SORBS2: variants seen among roughly 807,000 people sequenced by gnomAD.
The protein encoded by SORBS2 is sorbin and SH3 domain-containing protein 2.
Under a neutral mutation model 97.7 loss-of-function variants are expected in SORBS2, and 46 were observed. That is an observed-to-expected ratio of 0.47 (90% CI 0.37 to 0.60). SORBS2 has a LOEUF of 0.60. Ranked by LOEUF, SORBS2 falls within the 20% of genes least tolerant of loss-of-function variation. SORBS2 has a pLI of 0.00. For synonymous variants in SORBS2, 476 were observed against 473.4 expected (o/e 1.01, Z -0.07); for missense variants, 1,316 against 1,282.3 (o/e 1.03, Z -0.40).
Position 185,749,079 on chromosome 4 carries a change from C to A in SORBS2, c.-198+26148G>T, listed in dbSNP as rs186250638. ...TTTTAAAAAAAGATTATAGCAAGAA[C>A]CTTTTAGGGAACTCCACAGCCACCA... On this transcript the variant is annotated intron_variant, in intron 2 of 20. Coordinates refer to the SORBS2 transcript ENST00000284776. Among the ~76,000 whole-genome samples, 6 of 152,308 alleles carry A rather than the reference C, an allele frequency of 3.9e-5. No homozygotes were observed. The South Asian group carries it at 1.2e-3, about 32-fold the overall frequency.
rs927281681 is a variant in SORBS2, at chr4:185,760,945, A to G, written c.-198+14282T>C. Among the ~76,000 whole-genome samples, 77 of 152,238 alleles carry G rather than the reference A, an allele frequency of 5.1e-4. 1 individual carries two copies. The highest frequency in any genetic ancestry group is 1.3e-4 in the Non-Finnish European group (9 of 68,040). On this transcript the variant is annotated intron_variant, in intron 2 of 20. Coordinates refer to the SORBS2 transcript ENST00000284776. The stretch of plus-strand genomic sequence containing the variant: ...AAACATTTCATTTTAAATGATTGCT[A>G]TTTCAGTTACATAATAAAAGTTAAT...
chr4:185,754,413 G>A (rs138216386), intron 2 of SORBS2, among the ~76,000 whole-genome samples: 6 of 152,038 alleles, frequency 3.9e-5, no homozygotes, highest in Non-Finnish European at 8.8e-5. Context: ...AGTAACCCCC[G>A]TAACATGCTA....
At chr4:185,858,485 G>A (rs1334335378) in intron 1 of SORBS2, among the ~76,000 whole-genome samples, 1 of 152,068 alleles carries the variant, frequency 6.6e-6, no homozygotes, top group Non-Finnish European at 1.5e-5. Context: ...TCTCCCTTAT[G>A]CAGCAGAAAA....
At chr4:185,845,599 T>C (rs1486592585) in intron 1 of SORBS2, among the ~76,000 whole-genome samples, 1 of 152,120 alleles carries the variant, frequency 6.6e-6, no homozygotes, top group East Asian at 1.9e-4. Context: ...AATACTCTGC[T>C]AAATAAAAGG....
At chr4:185,762,357 G>A (rs2098900528) in intron 2 of SORBS2, among the ~76,000 whole-genome samples, 1 of 152,170 alleles carries the variant, frequency 6.6e-6, no homozygotes, top group Non-Finnish European at 1.5e-5. Context: ...TTGGAAATGT[G>A]AGTCTGGAAC....
chr4:185,778,121 T>C (rs1333169572), intron 1 of SORBS2, among the ~76,000 whole-genome samples: 2 of 152,252 alleles, frequency 1.3e-5, no homozygotes, highest in Admixed American at 1.3e-4. Flanking sequence ...CACTTGTTTC[T>C]TTTTTACTTT....
chr4:185,696,567 C>T (rs1016891250), intron 2 of SORBS2, among the ~76,000 whole-genome samples: 2 of 152,174 alleles, frequency 1.3e-5, no homozygotes, highest in African/African-American at 4.8e-5. Context: ...GATTCTCCTG[C>T]CTCAGCCTCC....
intron 1 of SORBS2, among the ~76,000 whole-genome samples, chr4:185,930,026 C>T (rs888203970): frequency 1.3e-5 from 2 of 152,074 alleles, no homozygotes; most frequent in Non-Finnish European, 1.5e-5. Context: ...AGGCAATGTA[C>T]AGAAAGCACT....
At chr4:185,605,722 T>A (rs1218596671) in intron 12 of SORBS2, among the ~76,000 whole-genome samples, 1 of 152,144 alleles carries the variant, frequency 6.6e-6, no homozygotes, top group South Asian at 2.1e-4. Flanking sequence ...GTAGCTGGGA[T>A]TGTAGGCACC....
At chr4:185,827,225 TCATCATCATCAC>T (rs1561210979) in intron 1 of SORBS2, among the ~76,000 whole-genome samples, 1 of 70,224 alleles carries the variant, frequency 1.4e-5, no homozygotes, top group Non-Finnish European at 2.9e-5. Flanking sequence ...ATCATCACCA[TCATCATCATCAC>T]CATCACCACC....
chr4:185,848,980 T>C (rs1463490627), intron 1 of SORBS2, among the ~76,000 whole-genome samples: 2 of 152,200 alleles, frequency 1.3e-5, no homozygotes, highest in Non-Finnish European at 2.9e-5. Flanking sequence ...AAGCACACAG[T>C]AGTGACACAT....
At chr4:185,707,286 A>G (rs143810588) in intron 2 of SORBS2, among the ~76,000 whole-genome samples, 2 of 152,314 alleles carry the variant, frequency 1.3e-5, no homozygotes, top group African/African-American at 4.8e-5. Context: ...AAGCTTGGGA[A>G]TGCAGGCAGT....
At chr4:185,809,752 A>G (rs535643196) in intron 1 of SORBS2, among the ~76,000 whole-genome samples, 1 of 152,308 alleles carries the variant, frequency 6.6e-6, no homozygotes, top group South Asian at 2.1e-4. Context: ...GCACAGGTAT[A>G]AAGTGTGTGC....
At chr4:185,682,137 A>G (rs2097879717) in intron 2 of SORBS2, among the ~76,000 whole-genome samples, 1 of 152,056 alleles carries the variant, frequency 6.6e-6, no homozygotes, top group African/African-American at 2.4e-5. Context: ...TGAGTCTGGG[A>G]AACGATTAAG....
intron 2 of SORBS2, among the ~76,000 whole-genome samples, chr4:185,715,679 C>A (rs2098459547): frequency 6.6e-6 from 1 of 152,148 alleles, no homozygotes; most frequent in Non-Finnish European, 1.5e-5. Context: ...AACTCAACAA[C>A]TTGAAATACA....
intron 1 of SORBS2, among the ~76,000 whole-genome samples, chr4:185,821,677 G>A: frequency 6.6e-6 from 1 of 152,200 alleles, no homozygotes. Flanking sequence ...GCCCGCCTCA[G>A]CCTCCCAAAG....
intron 1 of SORBS2, among the ~76,000 whole-genome samples, chr4:185,835,329 T>C (rs949134247): frequency 6.6e-6 from 1 of 152,218 alleles, no homozygotes; most frequent in Admixed American, 6.5e-5. Context: ...AAGTAAACCA[T>C]AGAATTTAAA....
chr4:185,856,592 T>C (rs2149699016), intron 1 of SORBS2, among the ~76,000 whole-genome samples: 1 of 152,292 alleles, frequency 6.6e-6, no homozygotes, highest in East Asian at 1.9e-4. Context: ...TATTCTATTT[T>C]CCTTTACTAT....
intron 2 of SORBS2, among the ~76,000 whole-genome samples, chr4:185,721,084 CTTTTTTTT>C (rs1160319469): frequency 3.3e-5 from 3 of 92,194 alleles, no homozygotes; most frequent in Non-Finnish European, 6.1e-5. Context: ...CCCACCTATT[CTTTTTTTT>C]TTTTTTTTTT....
Sources: allele counts gnomAD v4.1 joint callset (sites outside exome capture counted in the v4.1 genomes callset), GRCh38; gene constraint gnomAD v4.1.1; transcripts MANE v1.5; gene names NCBI Gene and HGNC (gene_info 2026-07-23, HGNC 2026-07-21).